EPS15L1: variants seen among roughly 807,000 people sequenced by gnomAD.
EPS15L1 encodes the protein epidermal growth factor receptor substrate 15-like 1.
A neutral mutation model predicts 117.1 loss-of-function variants in EPS15L1; 43 were observed. The ratio of observed to expected loss-of-function variants is 0.37; its 90% CI spans 0.29 to 0.47. The LOEUF is 0.47. Ranked by LOEUF, EPS15L1 falls within the 20% of genes least tolerant of loss-of-function variation. The probability of loss-of-function intolerance (pLI) is 0.99; values close to 1 mark genes in which losing one functional copy is unlikely to be tolerated. For missense variants in EPS15L1, 981 were observed against 1,164.0 expected (o/e 0.84, Z 2.29); for synonymous variants, 459 against 470.5 (o/e 0.98, Z 0.32).
intron 1 of EPS15L1, among the ~76,000 whole-genome samples, chr19:16,461,178 C>A (rs968281467): frequency 4.6e-5 from 7 of 151,972 alleles, no homozygotes; most frequent in African/African-American, 1.7e-4. Context: ...GTGGCAGGCG[C>A]CTGTAGTCCC....
At chr19:16,425,945 C>A (rs2092867620) in intron 8 of EPS15L1, among the ~76,000 whole-genome samples, 1 of 152,336 alleles carries the variant, frequency 6.6e-6, no homozygotes, top group African/African-American at 2.4e-5. Flanking sequence ...TAGCACATCA[C>A]CATTTGGCAG....
intron 21 of EPS15L1, among the ~76,000 whole-genome samples, chr19:16,380,346 C>T (rs2092347503): frequency 1.3e-5 from 2 of 152,210 alleles, no homozygotes; most frequent in Admixed American, 1.3e-4. Context: ...TCATTTAAGG[C>T]TCTAGCGTCT....
intron 12 of EPS15L1, among the ~76,000 whole-genome samples, chr19:16,416,016 G>A (rs2144912693): frequency 6.6e-6 from 1 of 152,300 alleles, no homozygotes; most frequent in East Asian, 1.9e-4. Flanking sequence ...AACATGAAGT[G>A]GGATGCCTGA....
At chr19:16,379,530 C>G (rs533258346) in intron 21 of EPS15L1, among the ~76,000 whole-genome samples, 1 of 152,376 alleles carries the variant, frequency 6.6e-6, no homozygotes, top group African/African-American at 2.4e-5. Context: ...AGGTCTACCA[C>G]CACGTCCAGC....
At chr19:16,402,578 G>GTGTTT in intron 15 of EPS15L1, 93 bp from the exon 16 acceptor site, 1 of 1,237,634 alleles carries the variant, frequency 8.1e-7, no homozygotes, top group Non-Finnish European at 1.1e-6. Context: ...GTCTCACTCT[G>GTGTTT]TCACCCAGAC....
chr19:16,392,311 G>A lies in EPS15L1; in HGVS notation c.2096C>T (p.Pro699Leu), dbSNP rs747281785. Residue 699 changes from proline to leucine, a missense_variant, in exon 19 of 24, where the codon CCT becomes CTT. Pro to Leu is a moderately conservative substitution (Grantham distance 98). Transcript: ENST00000455140. The part of the protein sequence containing the change: ...SDPFTKNPSL[P>L]SKLDPFESSD... ...ACGTCCCACCCCACTCACCTTCGAA[G>A]GTAAGGAAGGGTTTTTCGTGAATGG... is the stretch of plus-strand genomic sequence containing the variant. The A allele has an allele frequency of 3.4e-5, 55 of 1,614,004 alleles. No homozygotes were observed. The East Asian group carries it at 1.2e-3, about 35-fold the overall frequency.
intron 3 of EPS15L1, 130 bp from the exon 4 acceptor site, chr19:16,441,039 A>G: frequency 1.1e-6 from 1 of 871,754 alleles, no homozygotes; most frequent in Non-Finnish European, 1.9e-6. Flanking sequence ...GTTGTCCTGC[A>G]GATGAAGAAG....
intron 1 of EPS15L1, among the ~76,000 whole-genome samples, chr19:16,468,192 C>T (rs1376322881): frequency 6.6e-6 from 1 of 152,126 alleles, no homozygotes; most frequent in Admixed American, 6.6e-5. Context: ...TCCTTCAGGG[C>T]AGGCAGCATA....
Position 16,445,286 on chromosome 19 carries a change from A to C in EPS15L1, c.34-3067T>G, listed in dbSNP as rs117563475. Among the ~76,000 whole-genome samples, 152 of 152,228 alleles carry C rather than the reference A, an allele frequency of 1.0e-3. 3 individuals carry two copies. The East Asian group carries it at 0.026, about 26-fold the overall frequency. On this transcript the variant is annotated intron_variant, in intron 1 of 23. Transcript: ENST00000455140. ...AAGGCTCATCCGGCTCGAACACTTGATGACCACCGGATGTCACTCTCAAAA... is the reference window on the plus strand; with the variant it reads ...AAGGCTCATCCGGCTCGAACACTTGCTGACCACCGGATGTCACTCTCAAAA...
intron 15 of EPS15L1, among the ~76,000 whole-genome samples, chr19:16,402,756 T>C (rs1054673054): frequency 6.6e-6 from 1 of 151,878 alleles, no homozygotes; most frequent in African/African-American, 2.4e-5. Context: ...AAAAAAATTC[T>C]GTATTTTTTG....
At chr19:16,419,247 T>A (rs914320222) in intron 10 of EPS15L1, among the ~76,000 whole-genome samples, 3 of 152,036 alleles carry the variant, frequency 2.0e-5, no homozygotes, top group Non-Finnish European at 4.4e-5. Context: ...TCACCTGAGG[T>A]CAGGAGTTCG....
At chr19:16,393,694 A>T (rs374007572) in intron 18 of EPS15L1, among the ~76,000 whole-genome samples, 4,022 of 150,336 alleles carry the variant, frequency 0.027, 64 homozygotes, top group African/African-American at 0.049. Flanking sequence ...AATAAATAAA[A>T]TAAATAAATA....
chr19:16,457,480 A>G (rs36718), intron 1 of EPS15L1, among the ~76,000 whole-genome samples: 13,960 of 152,192 alleles, frequency 0.092, 1,026 homozygotes, highest in East Asian at 0.25. Flanking sequence ...AAGCAGTGCC[A>G]GAGACAGGCT....
chr19:16,401,305 C>A, intron 16 of EPS15L1: 1 of 985,310 alleles, frequency 1.0e-6, no homozygotes, highest in Non-Finnish European at 1.2e-6. Context: ...GGACTGAGGA[C>A]TTGGCTGCTG....
In EPS15L1 at chr19:16,441,880, A is replaced by G. The variant is rs748628139; in HGVS notation, c.165+12T>C. 1 of 1,600,802 alleles carries G rather than the reference A, an allele frequency of 6.2e-7. No homozygotes were observed. The highest frequency in any genetic ancestry group is 8.6e-7 in the Non-Finnish European group (1 of 1,169,338). ...AGCCACAGAAGAGAAATCACTATTC[A>G]TCTTCACATACCTTCCCAAGGATAA... On this transcript the variant is annotated intron_variant, in intron 3 of 23. Coordinates refer to ENST00000455140, the MANE Select transcript of EPS15L1 (RefSeq NM_001258374.3).
rs571624947 is a variant in EPS15L1, at chr19:16,385,665, G to A, written c.2165-454C>T. On this transcript the variant is annotated intron_variant, in intron 20 of 23. Transcript: ENST00000455140. ...ACACTCGCCTATGATACCAAACACT[G>A]CTACCCGCCCCACGCAAGCTGCAGG... 2.6e-5 allele frequency among the ~76,000 whole-genome samples: 4 copies of A among 152,266 alleles called. No individual in the cohort carries two copies. In the South Asian group the frequency reaches 8.3e-4, roughly 32 times the overall value.
chr19:16,385,770 G>A (rs777099894), intron 20 of EPS15L1, among the ~76,000 whole-genome samples: 6 of 152,174 alleles, frequency 3.9e-5, no homozygotes, highest in African/African-American at 7.2e-5. Flanking sequence ...GTGCATCTGC[G>A]AGTTCTACAC....
intron 7 of EPS15L1, among the ~76,000 whole-genome samples, chr19:16,433,605 C>T (rs537127536): frequency 6.6e-6 from 1 of 152,158 alleles, no homozygotes; most frequent in South Asian, 2.1e-4. Context: ...GGGAGGATGG[C>T]TTCAGCCTGG....
chr19:16,363,922 G>A (rs2092096357), intron 22 of EPS15L1, among the ~76,000 whole-genome samples: 1 of 152,218 alleles, frequency 6.6e-6, no homozygotes, highest in Non-Finnish European at 1.5e-5. Flanking sequence ...AGAAGGACTC[G>A]GAGACAAACT....
Sources: allele counts gnomAD v4.1 joint callset (sites outside exome capture counted in the v4.1 genomes callset), GRCh38; gene constraint gnomAD v4.1.1; transcripts MANE v1.5; gene names NCBI Gene and HGNC (gene_info 2026-07-23, HGNC 2026-07-21).